MEOX2: variants seen among roughly 807,000 people sequenced by gnomAD.
MEOX2 encodes the protein homeobox protein MOX-2.
MEOX2 carries 11 observed loss-of-function variants against 27.0 expected under a neutral mutation model. That is an observed-to-expected ratio of 0.41 (90% CI 0.26 to 0.68). MEOX2 has a LOEUF of 0.68. Ranked by LOEUF, MEOX2 falls within the 30% of genes least tolerant of loss-of-function variation. The pLI is 0.33. For synonymous variants in MEOX2, 189 were observed against 155.4 expected (o/e 1.22, Z -1.61); for missense variants, 436 against 385.4 (o/e 1.13, Z -1.10).
intron 1 of MEOX2, among the ~76,000 whole-genome samples, chr7:15,674,844 C>A (rs1336757017): frequency 6.6e-6 from 1 of 151,860 alleles, no homozygotes; most frequent in Non-Finnish European, 1.5e-5. Context: ...GGAAAGCATG[C>A]CTGGTTAGCA....
chr7:15,641,361 TTTTG>T (rs199726252), intron 1 of MEOX2, among the ~76,000 whole-genome samples: 8,790 of 152,164 alleles, frequency 0.058, 335 homozygotes, highest in Middle Eastern at 0.12. Flanking sequence ...CTTCCTTGTT[TTTTG>T]TTTGTTTGTT....
At chr7:15,639,015 G>T (rs763549605) in intron 1 of MEOX2, among the ~76,000 whole-genome samples, 2 of 152,042 alleles carry the variant, frequency 1.3e-5, no homozygotes, top group Non-Finnish European at 2.9e-5. Context: ...GGAATTGCTG[G>T]GTGAAATTAT....
Position 15,612,330 on chromosome 7 carries a change from T to C in MEOX2, c.*57A>G, listed in dbSNP as rs1781045294. The C allele has an allele frequency of 7.3e-7, 1 of 1,368,372 alleles. No individual in the cohort carries two copies. Among genetic ancestry groups the C allele is most frequent in the East Asian group, 2.3e-5 (1 of 43,428 alleles). The allele number at this position is 1,368,372 out of a possible 1,614,324, so 84.8% of individuals were successfully genotyped here. A position where few individuals can be genotyped will look rare whatever the true frequency, so the allele number is the denominator to read the frequency against. On this transcript the variant is annotated 3_prime_UTR_variant, in exon 3 of 3. Transcript: ENST00000262041. Reference sequence around the variant, plus strand: ...TCTCTCTGTGTAAACGATATTTGGGTAAGGCTTGCCATCACAACATTTCTT... The same window carrying C: ...TCTCTCTGTGTAAACGATATTTGGGCAAGGCTTGCCATCACAACATTTCTT...
In MEOX2 at chr7:15,630,986, A is replaced by T. The variant is rs530281781; in HGVS notation, c.518-4068T>A. 3.9e-5 allele frequency among the ~76,000 whole-genome samples: 6 copies of T among 152,026 alleles called. No individual in the cohort carries two copies. The East Asian group carries it at 9.7e-4, about 25-fold the overall frequency. ...CTTTCCAGATTTGAGAACCACAGTC[A>T]TAGCGAGCTACTATGATTCATGAAT... On this transcript the variant is annotated intron_variant, in intron 1 of 2. Coordinates refer to ENST00000262041, the MANE Select transcript of MEOX2 (RefSeq NM_005924.5).
chr7:15,641,344 C>T (rs561165598), intron 1 of MEOX2, among the ~76,000 whole-genome samples: 11 of 151,966 alleles, frequency 7.2e-5, no homozygotes, highest in African/African-American at 2.7e-4. Flanking sequence ...TATTATAATT[C>T]AATGTTCTTC....
intron 1 of MEOX2, among the ~76,000 whole-genome samples, chr7:15,647,033 T>C (rs1470324314): frequency 6.6e-6 from 1 of 152,016 alleles, no homozygotes; most frequent in Non-Finnish European, 1.5e-5. Flanking sequence ...ATTTATTATG[T>C]TAAACTATAG....
chr7:15,657,373 A>T (rs996908296), intron 1 of MEOX2, among the ~76,000 whole-genome samples: 20 of 151,746 alleles, frequency 1.3e-4, no homozygotes, highest in Admixed American at 3.3e-4. Context: ...TATGGTAAAA[A>T]TTTTTTTTCA....
At chr7:15,654,121 T>C (rs925888252) in intron 1 of MEOX2, among the ~76,000 whole-genome samples, 2 of 152,010 alleles carry the variant, frequency 1.3e-5, no homozygotes, top group Non-Finnish European at 2.9e-5. Context: ...ATCCTGTGAA[T>C]GTTTTGTTAG....
intron 1 of MEOX2, among the ~76,000 whole-genome samples, chr7:15,665,889 T>C (rs1781996349): frequency 1.3e-5 from 2 of 152,064 alleles, no homozygotes; most frequent in African/African-American, 4.8e-5. Flanking sequence ...CAGCAGATTA[T>C]AGAAGATACT....
At chr7:15,640,305 G>T (rs1169781777) in intron 1 of MEOX2, among the ~76,000 whole-genome samples, 3 of 151,372 alleles carry the variant, frequency 2.0e-5, no homozygotes, top group Non-Finnish European at 4.4e-5. Context: ...GAAGGAGACT[G>T]GGTCATTGAT....
In MEOX2 at chr7:15,682,070, C is replaced by T. The variant is rs550480379; in HGVS notation, c.517+3816G>A. The T allele has an allele frequency of 9.2e-5, 14 of 151,802 alleles. No individual in the cohort carries two copies. In the East Asian group the frequency reaches 2.3e-3, roughly 25 times the overall value. The allele number at this position is 151,802 out of a possible 1,614,324, so 9.4% of individuals were successfully genotyped here. A position where few individuals can be genotyped will look rare whatever the true frequency, so the allele number is the denominator to read the frequency against. On this transcript the variant is annotated intron_variant, in intron 1 of 2. Coordinates refer to ENST00000262041, the MANE Select transcript of MEOX2 (RefSeq NM_005924.5). ...CAATGATACTTAGAATTTTTTATGT[C>T]AGATTACCATTTTTAAATGTTCACA...
At chr7:15,620,079 A>T (rs1212252025) in intron 2 of MEOX2, among the ~76,000 whole-genome samples, 1 of 152,066 alleles carries the variant, frequency 6.6e-6, no homozygotes, top group Non-Finnish European at 1.5e-5. Context: ...CATTATCAGG[A>T]ATGTCTCTTT....
At position 15,668,119 on chromosome 7, in the gene MEOX2, C is replaced by G. The variant is rs568413259; in HGVS notation, c.517+17767G>C. 9 of 152,280 alleles carry G rather than the reference C, an allele frequency of 5.9e-5. 1 individual carries two copies. In the South Asian group the frequency reaches 1.9e-3, roughly 32 times the overall value. The allele number at this position is 152,280 out of a possible 1,614,324, so 9.4% of individuals were successfully genotyped here. ...CTAACATGCATTTAACTACAGTTGACCTTTGAACAACAGGGGGTGGAAACT... is the reference window on the plus strand; with the variant it reads ...CTAACATGCATTTAACTACAGTTGAGCTTTGAACAACAGGGGGTGGAAACT... On this transcript the variant is annotated intron_variant, in intron 1 of 2. Coordinates refer to ENST00000262041, the MANE Select transcript of MEOX2 (RefSeq NM_005924.5).
intron 1 of MEOX2, chr7:15,681,569 A>G (rs1391979818): frequency 6.6e-6 from 1 of 151,764 alleles, no homozygotes; most frequent in Non-Finnish European, 1.5e-5. Context: ...CTGATATTTC[A>G]TTTTTGCTTA....
At chr7:15,633,634 G>A (rs1781436949) in intron 1 of MEOX2, among the ~76,000 whole-genome samples, 1 of 151,900 alleles carries the variant, frequency 6.6e-6, no homozygotes, top group African/African-American at 2.4e-5. Flanking sequence ...CACCTTCTCA[G>A]AGTGTAAGGA....
intron 1 of MEOX2, among the ~76,000 whole-genome samples, chr7:15,675,754 T>C (rs908813112): frequency 2.0e-5 from 3 of 152,196 alleles, no homozygotes; most frequent in Non-Finnish European, 4.4e-5. Flanking sequence ...TCCTCTAAAA[T>C]CAAAGAGTCA....
intron 1 of MEOX2, among the ~76,000 whole-genome samples, chr7:15,636,875 T>A (rs1180451660): frequency 2.0e-5 from 3 of 152,008 alleles, no homozygotes; most frequent in African/African-American, 7.2e-5. Context: ...AAGAGCGTGA[T>A]CCCATTCATA....
chr7:15,632,088 A>G (rs1002823795), intron 1 of MEOX2, among the ~76,000 whole-genome samples: 3 of 152,002 alleles, frequency 2.0e-5, no homozygotes, highest in Middle Eastern at 3.4e-3. Flanking sequence ...AAAGTCCTCC[A>G]TACCTTAGAT....
intron 1 of MEOX2, among the ~76,000 whole-genome samples, chr7:15,672,732 A>C (rs1218876964): frequency 1.3e-5 from 2 of 152,044 alleles, no homozygotes; most frequent in Non-Finnish European, 2.9e-5. Flanking sequence ...CTCTACTAAA[A>C]ATACAAAAAA....
Sources: gnomAD v4.1 joint callset for allele counts (sites outside exome capture counted in the v4.1 genomes callset) on GRCh38, gnomAD v4.1.1 for gene constraint, MANE v1.5 for transcripts, NCBI Gene and HGNC (gene_info 2026-07-23, HGNC 2026-07-21) for gene names.